Variants in P2RX5 observed in about 807,000 individuals in gnomAD.
P2RX5 encodes P2X purinoceptor 5.
In P2RX5, 46 loss-of-function variants were observed where a neutral mutation model predicts 54.1. That is an observed-to-expected ratio of 0.85 (90% CI 0.67 to 1.09). P2RX5 has a LOEUF of 1.09. P2RX5 is among the 50% of genes least tolerant of loss of function. The pLI is 0.00. For synonymous variants in P2RX5, 226 were observed against 226.4 expected, an observed-to-expected ratio of 1.00 and a Z score of 0.02; for missense variants, 566 against 549.8, an observed-to-expected ratio of 1.03 and a Z score of -0.29.
intron 9 of P2RX5, chr17:3,682,353 G>C (rs2050307948): frequency 5.6e-6 from 2 of 358,292 alleles, no homozygotes; most frequent in South Asian, 4.5e-5. Context: ...TCTGGTGCAG[G>C]AGACAGGCGT....
upstream of P2RX5, among the ~76,000 whole-genome samples, chr17:3,699,930 GAAAGAAA>G (rs1567744444): frequency 1.4e-3 from 121 of 86,804 alleles, 1 homozygote; most frequent in Admixed American, 4.6e-3. Context: ...AAGAAAGAAA[GAAAGAAA>G]GAAAGAAAGA....
chr17:3,690,354 C>G (rs2050576258), intron 5 of P2RX5, 73 bp downstream of exon 5: 1 of 1,291,338 alleles, frequency 7.7e-7, no homozygotes, highest in Non-Finnish European at 1.1e-6. Flanking sequence ...GTGGGCAGGA[C>G]TCCACCCTCA....
the P2RX5 span, among the ~76,000 whole-genome samples, chr17:3,707,340 T>G: frequency 6.6e-6 from 1 of 152,024 alleles, no homozygotes; most frequent in Admixed American, 6.6e-5. Flanking sequence ...CACCGAACAG[T>G]CAGAAACCCC....
intron 11 of P2RX5, among the ~76,000 whole-genome samples, chr17:3,676,856 G>A (rs1488141748): frequency 6.6e-6 from 1 of 152,208 alleles, no homozygotes; most frequent in Non-Finnish European, 1.5e-5. Flanking sequence ...GAAGTCAGGA[G>A]TTGGAGACCA....
chr17:3,698,608 G>A (rs1289271748), upstream of P2RX5, among the ~76,000 whole-genome samples: 6 of 152,140 alleles, frequency 3.9e-5, no homozygotes, highest in East Asian at 1.2e-3. Flanking sequence ...GAACTGCCAG[G>A]CACTTGCCCT....
upstream of P2RX5, among the ~76,000 whole-genome samples, chr17:3,696,809 G>A (rs903935167): frequency 6.6e-6 from 1 of 152,116 alleles, no homozygotes; most frequent in African/African-American, 2.4e-5. Flanking sequence ...TCTTCCTATT[G>A]AATAGATGGG....
chr17:3,721,790 A>C, the P2RX5 span: 3 of 152,212 alleles, frequency 2.0e-5, no homozygotes, highest in Non-Finnish European at 4.4e-5. Flanking sequence ...TCATGCCTGT[A>C]ATCCCAGCAC....
upstream of P2RX5, among the ~76,000 whole-genome samples, chr17:3,699,840 GAA>G (rs1491196955): frequency 0.038 from 4,146 of 110,354 alleles, 309 homozygotes; most frequent in Non-Finnish European, 0.047. Context: ...GAGAGAGAGA[GAA>G]AGAAAAAGAA....
the P2RX5 span, among the ~76,000 whole-genome samples, chr17:3,711,026 C>A: frequency 3.9e-5 from 6 of 152,220 alleles, no homozygotes; most frequent in Non-Finnish European, 8.8e-5. Context: ...AGCAGAGTGG[C>A]CCTATGGCAT....
At chr17:3,712,703 T>C in the P2RX5 span, among the ~76,000 whole-genome samples, 4 of 152,292 alleles carry the variant, frequency 2.6e-5, no homozygotes, top group East Asian at 1.9e-4. Flanking sequence ...TCCCAGCACT[T>C]TGTGAGCCTG....
At chr17:3,720,179 G>C in the P2RX5 span, 5 of 582,670 alleles carry the variant, frequency 8.6e-6, no homozygotes, top group Non-Finnish European at 1.5e-5. Flanking sequence ...CAAAGGCAGC[G>C]ATGGCAGAGC....
intron 10 of P2RX5, 135 bp from the exon 11 acceptor site, chr17:3,679,919 C>G: frequency 1.3e-6 from 1 of 760,544 alleles, no homozygotes; most frequent in Non-Finnish European, 2.3e-6. Context: ...GTCCTCCACC[C>G]TGCTTCCTCC....
chr17:3,697,072 G>A (rs73312645), upstream of P2RX5, among the ~76,000 whole-genome samples: 41 of 151,858 alleles, frequency 2.7e-4, no homozygotes, highest in African/African-American at 9.4e-4. Flanking sequence ...CGGCGGAGTC[G>A]GTGGTCAGGC....
chr17:3,679,760 C>T lies in P2RX5; in HGVS notation c.1089G>A (p.Glu363=), dbSNP rs1274747212. Residue 363 remains glutamate, a synonymous_variant, in exon 11 of 12, where the codon GAG becomes GAA. Transcript: ENST00000225328. ...CCAGCCCCGATGCCTCGTCCTCGGCCTCCTGGGAACTGTCTTCTAGGCCCC... is the reference window on the plus strand; with the variant it reads ...CCAGCCCCGATGCCTCGTCCTCGGCTTCCTGGGAACTGTCTTCTAGGCCCC... ...EVRGLEDSSQ[E]AEDEASGLGL... The T allele has an allele frequency of 6.2e-7, 1 of 1,611,248 alleles. No homozygotes were observed. The highest frequency in any genetic ancestry group is 8.5e-7 in the Non-Finnish European group (1 of 1,179,814).
intron 11 of P2RX5, among the ~76,000 whole-genome samples, chr17:3,678,737 T>A (rs778322276): frequency 6.6e-6 from 1 of 152,206 alleles, no homozygotes; most frequent in Non-Finnish European, 1.5e-5. Flanking sequence ...AGTGAGTACC[T>A]GGGGTGTGGT....
the P2RX5 span, among the ~76,000 whole-genome samples, chr17:3,706,449 T>A: frequency 6.6e-6 from 1 of 152,068 alleles, no homozygotes; most frequent in East Asian, 1.9e-4. Flanking sequence ...AAAATTCGTC[T>A]CCTGAAGTAA....
chr17:3,714,437 A>G, the P2RX5 span, among the ~76,000 whole-genome samples: 2 of 117,118 alleles, frequency 1.7e-5, no homozygotes, highest in African/African-American at 1.9e-4. Context: ...CATGTTGGCT[A>G]GGATAGTCTC....
At chr17:3,682,923 C>T (rs190627771) in intron 9 of P2RX5, 1 of 152,168 alleles carries the variant, frequency 6.6e-6, no homozygotes, top group East Asian at 1.9e-4. Context: ...CTACTCAGGA[C>T]GCTGAGGCAG....
At chr17:3,681,059 ATCCTCCACCCAGCG>A (rs2050266079) in intron 10 of P2RX5, among the ~76,000 whole-genome samples, 1 of 135,664 alleles carries the variant, frequency 7.4e-6, no homozygotes, top group Non-Finnish European at 1.6e-5. Flanking sequence ...TCCACCCTGC[ATCCTCCACCCAGCG>A]TCCTCCACCC....
Sources: allele counts gnomAD v4.1 joint callset (sites outside exome capture counted in the v4.1 genomes callset), GRCh38; gene constraint gnomAD v4.1.1; transcripts MANE v1.5; gene names NCBI Gene and HGNC (gene_info 2026-07-23, HGNC 2026-07-21).